Variants in MTRF1 observed in about 807,000 individuals in gnomAD.
The protein encoded by MTRF1 is peptide chain release factor 1, mitochondrial.
A neutral mutation model predicts 62.9 loss-of-function variants in MTRF1; 51 were observed. The ratio of observed to expected loss-of-function variants is 0.81; its 90% CI spans 0.65 to 1.02. MTRF1 has a LOEUF of 1.02. MTRF1 is among the 50% of genes least tolerant of loss of function. The pLI, the probability that MTRF1 is intolerant of heterozygous loss-of-function variation, is 0.00. For synonymous variants in MTRF1, 158 were observed against 181.9 expected (o/e 0.87, Z 1.06); for missense variants, 446 against 530.0 (o/e 0.84, Z 1.56).
the MTRF1 span, among the ~76,000 whole-genome samples, chr13:41,290,397 C>G: frequency 2.9e-5 from 4 of 138,658 alleles, no homozygotes; most frequent in Non-Finnish European, 4.6e-5. Flanking sequence ...CCACACCCAG[C>G]CTTTTTTTTT....
At chr13:41,243,132 T>G (rs901500528) in intron 5 of MTRF1, among the ~76,000 whole-genome samples, 3 of 152,006 alleles carry the variant, frequency 2.0e-5, no homozygotes, top group African/African-American at 7.3e-5. Flanking sequence ...GGCAGAAGAA[T>G]CGCTTGAACC....
At chr13:41,273,304 C>T in the MTRF1 span, among the ~76,000 whole-genome samples, 641 of 147,708 alleles carry the variant, frequency 4.3e-3, 6 homozygotes, top group African/African-American at 0.01. Flanking sequence ...CCAGCCTGGG[C>T]TACAGAGCGA....
the MTRF1 span, among the ~76,000 whole-genome samples, chr13:41,270,852 C>G: frequency 6.6e-6 from 1 of 151,952 alleles, no homozygotes; most frequent in Non-Finnish European, 1.5e-5. Context: ...GCTATTCTGC[C>G]TCAGCCTCTC....
chr13:41,311,683 C>T, the MTRF1 span: 3 of 1,021,788 alleles, frequency 2.9e-6, no homozygotes, highest in Non-Finnish European at 4.4e-6. Flanking sequence ...GGCTTGGCCT[C>T]CGCTGCCCAC....
At chr13:41,271,054 T>TACACAC in the MTRF1 span, among the ~76,000 whole-genome samples, 81 of 143,372 alleles carry the variant, frequency 5.6e-4, no homozygotes, top group East Asian at 1.2e-3. Context: ...GCCTTTTAAA[T>TACACAC]ACACACACAC....
At position 41,216,560 on chromosome 13, in the gene MTRF1, AG is replaced by A. The variant is rs1318272737; in HGVS notation, c.*554del. On this transcript the variant is annotated 3_prime_UTR_variant, in exon 10 of 10. Coordinates refer to ENST00000379480, the MANE Select transcript of MTRF1 (RefSeq NM_004294.4). ...TATTATGGTTTTTCTTTATGTTTTG[AG>A]TTTTTTTGTAGACATGGGGTCTATT... 6.6e-6 allele frequency: 1 copy of A among 151,826 alleles called. No homozygotes were observed. Among genetic ancestry groups the A allele is most frequent in the Non-Finnish European group, 1.5e-5 (1 of 67,972 alleles). 9.4% of individuals were successfully genotyped at this position (151,826 alleles called of 1,614,324 possible). A position where few individuals can be genotyped will look rare whatever the true frequency, so the allele number is the denominator to read the frequency against.
chr13:41,250,360 C>A (rs967107162), intron 5 of MTRF1, among the ~76,000 whole-genome samples: 1 of 152,118 alleles, frequency 6.6e-6, no homozygotes, highest in Non-Finnish European at 1.5e-5. Flanking sequence ...GCCCTGAATG[C>A]TCTCTCTCTA....
the MTRF1 span, among the ~76,000 whole-genome samples, chr13:41,310,947 G>T: frequency 6.6e-6 from 1 of 152,116 alleles, no homozygotes; most frequent in Non-Finnish European, 1.5e-5. Flanking sequence ...CTACTTAAAA[G>T]AAAATTCTCG....
At chr13:41,251,089 A>T (rs972508603) in intron 5 of MTRF1, among the ~76,000 whole-genome samples, 1 of 152,204 alleles carries the variant, frequency 6.6e-6, no homozygotes, top group Non-Finnish European at 1.5e-5. Context: ...GTAAAATGAG[A>T]TTAGTAATAT....
intron 5 of MTRF1, among the ~76,000 whole-genome samples, chr13:41,246,822 TAA>T: frequency 6.6e-6 from 1 of 152,366 alleles, no homozygotes; most frequent in South Asian, 2.1e-4. Context: ...TTGAATATTA[TAA>T]GAGAAGACTG....
chr13:41,250,159 A>T (rs892348955), intron 5 of MTRF1, among the ~76,000 whole-genome samples: 1 of 152,022 alleles, frequency 6.6e-6, no homozygotes, highest in Non-Finnish European at 1.5e-5. Flanking sequence ...ATCAGAGTTC[A>T]CTCAGGATAT....
At chr13:41,271,411 T>A in the MTRF1 span, among the ~76,000 whole-genome samples, 1 of 152,090 alleles carries the variant, frequency 6.6e-6, no homozygotes, top group Non-Finnish European at 1.5e-5. Context: ...TTCTCCTCAT[T>A]CTTAGAGTAT....
intron 5 of MTRF1, among the ~76,000 whole-genome samples, chr13:41,242,874 A>C (rs1248900069): frequency 6.6e-6 from 1 of 152,120 alleles, no homozygotes; most frequent in Non-Finnish European, 1.5e-5. Flanking sequence ...GCGGGAGCCC[A>C]GGAGTTCAAG....
At chr13:41,265,917 T>A (rs796715207), upstream of MTRF1, among the ~76,000 whole-genome samples, 1 of 152,166 alleles carries the variant, frequency 6.6e-6, no homozygotes, top group African/African-American at 2.4e-5. Flanking sequence ...TGGCCTGATC[T>A]TGGCTCACTG....
At chr13:41,241,531 T>C (rs1032309151) in intron 5 of MTRF1, among the ~76,000 whole-genome samples, 1 of 152,212 alleles carries the variant, frequency 6.6e-6, no homozygotes, top group Non-Finnish European at 1.5e-5. Flanking sequence ...CTCTTCCCTA[T>C]GAGTAATCAT....
chr13:41,248,558 T>A (rs2038598903), intron 5 of MTRF1, among the ~76,000 whole-genome samples: 1 of 152,232 alleles, frequency 6.6e-6, no homozygotes, highest in African/African-American at 2.4e-5. Flanking sequence ...CCCAATTCAG[T>A]GACCAAAGTT....
intron 7 of MTRF1, among the ~76,000 whole-genome samples, chr13:41,228,426 G>A (rs1295896939): frequency 6.6e-6 from 1 of 152,080 alleles, no homozygotes; most frequent in Non-Finnish European, 1.5e-5. Flanking sequence ...AAACTAGCCA[G>A]CGTGGTAGCT....
At chr13:41,252,525 A>G (rs1237599982) in intron 5 of MTRF1, 120 bp downstream of exon 5, 1 of 655,056 alleles carries the variant, frequency 1.5e-6, no homozygotes, top group East Asian at 2.8e-5. Context: ...CCTATGCCAC[A>G]GTGTTTAGTA....
chr13:41,252,862 T>A (rs2039247508), intron 4 of MTRF1, 87 bp downstream of exon 4: 16 of 1,363,692 alleles, frequency 1.2e-5, no homozygotes, highest in Non-Finnish European at 1.6e-5. Flanking sequence ...TAAATACATT[T>A]AATGGACTTT....
Sources: allele counts gnomAD v4.1 joint callset (sites outside exome capture counted in the v4.1 genomes callset), GRCh38; gene constraint gnomAD v4.1.1; transcripts MANE v1.5; gene names NCBI Gene and HGNC (gene_info 2026-07-23, HGNC 2026-07-21).